CWC27: variants seen among roughly 807,000 people sequenced by gnomAD.
The protein encoded by CWC27 is spliceosome-associated protein CWC27 homolog.
Under a neutral mutation model 63.6 loss-of-function variants are expected in CWC27, and 47 were observed. The ratio of observed to expected loss-of-function variants is 0.74; its 90% CI spans 0.58 to 0.94. The LOEUF (loss-of-function observed/expected upper bound fraction) is 0.94, where lower values mean the gene tolerates loss of function less well. Among genes scored for constraint, CWC27 ranks in the 40% least tolerant of loss-of-function variants. CWC27 has a pLI of 0.00. For synonymous variants in CWC27, 175 were observed against 179.8 expected (o/e 0.97, Z 0.22); for missense variants, 495 against 554.3 (o/e 0.89, Z 1.07).
intron 11 of CWC27, among the ~76,000 whole-genome samples, chr5:64,930,442 T>A (rs1056266112): frequency 2.3e-4 from 35 of 152,056 alleles, no homozygotes; most frequent in Admixed American, 4.6e-4. Context: ...ATAAAAAAAA[T>A]TTGAACTATT....
intron 10 of CWC27, among the ~76,000 whole-genome samples, chr5:64,813,046 G>C (rs1430143286): frequency 1.3e-5 from 2 of 152,004 alleles, no homozygotes; most frequent in Non-Finnish European, 2.9e-5. Context: ...GTCATTTTTT[G>C]GAGCTACTAT....
chr5:64,817,490 C>T (rs1391621759), intron 10 of CWC27, among the ~76,000 whole-genome samples: 3 of 152,086 alleles, frequency 2.0e-5, no homozygotes, highest in African/African-American at 7.2e-5. Flanking sequence ...CTACAAAGTT[C>T]TACAACTTTT....
chr5:64,840,386 AAAAAAAAAATATATATATATATATATAT>A (rs1176753591), intron 10 of CWC27, among the ~76,000 whole-genome samples: 752 of 56,864 alleles, frequency 0.013, 49 homozygotes, highest in East Asian at 0.034. Context: ...AAAAAAAAAA[AAAAAAAAAATATATATATATATATATAT>A]ATATATATAT....
chr5:64,968,082 T>A (rs150630683), intron 11 of CWC27, among the ~76,000 whole-genome samples: 4 of 151,708 alleles, frequency 2.6e-5, no homozygotes, highest in East Asian at 1.9e-4. Flanking sequence ...ACAAAAAAAA[T>A]TAATAGACAA....
chr5:64,858,925 G>A (rs771989011), intron 10 of CWC27, among the ~76,000 whole-genome samples: 1 of 152,142 alleles, frequency 6.6e-6, no homozygotes, highest in Admixed American at 6.5e-5. Flanking sequence ...GAAAACATTT[G>A]TTCACAAAAA....
At chr5:64,807,490 G>C in intron 10 of CWC27, 1 of 1,362,782 alleles carries the variant, frequency 7.3e-7, no homozygotes, top group East Asian at 2.6e-5. Context: ...ACGCTTCCTA[G>C]TTTCTCTCCT....
At chr5:65,005,871 A>T (rs951418529) in intron 13 of CWC27, among the ~76,000 whole-genome samples, 3 of 152,242 alleles carry the variant, frequency 2.0e-5, no homozygotes, top group African/African-American at 4.8e-5. Context: ...GTAATATTTT[A>T]AAACATACTC....
rs181814828 is a variant in CWC27 at position 64,981,205 on chromosome 5, T to C, written c.1256+3967T>C. ...CTCAAAGATAAATACTGTTAATTTA[T>C]ACATATCAATTTATATATTTATGCT... On this transcript the variant is annotated intron_variant, in intron 13 of 13. Coordinates refer to ENST00000381070, the MANE Select transcript of CWC27 (RefSeq NM_005869.4). Among the ~76,000 whole-genome samples the C allele has an allele frequency of 6.6e-5, 10 of 152,332 alleles. No homozygotes were observed. The East Asian group carries it at 1.5e-3, about 23-fold the overall frequency.
chr5:64,929,500 C>T (rs1748192837), intron 11 of CWC27, among the ~76,000 whole-genome samples: 3 of 152,114 alleles, frequency 2.0e-5, no homozygotes, highest in Admixed American at 2.0e-4. Context: ...TAATTGAGAA[C>T]ACACAACTCA....
At chr5:64,977,081 T>C in intron 12 of CWC27, 54 bp from the exon 13 acceptor site, 1 of 1,088,858 alleles carries the variant, frequency 9.2e-7, no homozygotes, top group Non-Finnish European at 1.3e-6. Flanking sequence ...AGCATCTCTT[T>C]TAAAATTATA....
chr5:64,956,230 A>C (rs1407267883), intron 11 of CWC27, among the ~76,000 whole-genome samples: 1 of 152,192 alleles, frequency 6.6e-6, no homozygotes, highest in Admixed American at 6.6e-5. Context: ...AACACCTATG[A>C]ATTATTTTTG....
chr5:64,792,703 A>G (rs945983348), intron 7 of CWC27, among the ~76,000 whole-genome samples: 2 of 152,126 alleles, frequency 1.3e-5, no homozygotes, highest in African/African-American at 4.8e-5. Flanking sequence ...AATTGTGTAG[A>G]GTCCTGGGCT....
chr5:64,827,323 A>C (rs1383822507), intron 10 of CWC27, among the ~76,000 whole-genome samples: 1 of 152,176 alleles, frequency 6.6e-6, no homozygotes, highest in African/African-American at 2.4e-5. Context: ...CTCAGAACTC[A>C]TCGTACTGGA....
chr5:64,800,210 A>T (rs1299387622), intron 7 of CWC27, 38 bp from the exon 8 acceptor site: 3 of 1,348,816 alleles, frequency 2.2e-6, no homozygotes, highest in Non-Finnish European at 3.1e-6. Flanking sequence ...AATACTGTTT[A>T]TTTCCCCCCT....
chr5:64,888,698 G>GAGA (rs1254905793), intron 11 of CWC27, among the ~76,000 whole-genome samples: 1 of 151,694 alleles, frequency 6.6e-6, no homozygotes, highest in Non-Finnish European at 1.5e-5. Context: ...ATAGAAATCA[G>GAGA]AGAACTAGAA....
At chr5:64,875,261 G>A (rs1169068430) in intron 10 of CWC27, among the ~76,000 whole-genome samples, 2 of 152,158 alleles carry the variant, frequency 1.3e-5, no homozygotes, top group South Asian at 4.1e-4. Context: ...TATGGAAGGA[G>A]TAAGATTGTA....
intron 1 of CWC27, among the ~76,000 whole-genome samples, chr5:64,771,487 G>C (rs1389141903): frequency 6.6e-6 from 1 of 152,148 alleles, no homozygotes; most frequent in African/African-American, 2.4e-5. Context: ...AAGAAATGTA[G>C]TACTTGACAG....
intron 2 of CWC27, among the ~76,000 whole-genome samples, chr5:64,780,428 G>GAT (rs991111223): frequency 6.0e-5 from 9 of 149,340 alleles, no homozygotes; most frequent in Non-Finnish European, 8.9e-5. Context: ...ATATATTTTG[G>GAT]ATATATATAT....
intron 10 of CWC27, among the ~76,000 whole-genome samples, chr5:64,854,165 C>T (rs1174840526): frequency 6.6e-6 from 1 of 152,160 alleles, no homozygotes; most frequent in Admixed American, 6.5e-5. Context: ...GATAACATTC[C>T]GTTTTATGTA....
Sources: allele counts gnomAD v4.1 joint callset (sites outside exome capture counted in the v4.1 genomes callset), GRCh38; gene constraint gnomAD v4.1.1; transcripts MANE v1.5; gene names NCBI Gene and HGNC (gene_info 2026-07-23, HGNC 2026-07-21).